ARHGAP32: variants seen among roughly 807,000 people sequenced by gnomAD.
ARHGAP32 encodes Rho GTPase activating protein 32.
In ARHGAP32, 51 loss-of-function variants were observed where a neutral mutation model predicts 186.5. The ratio of observed to expected loss-of-function variants is 0.27; its 90% CI spans 0.22 to 0.35. The LOEUF (loss-of-function observed/expected upper bound fraction) is 0.35, where lower values mean the gene tolerates loss of function less well. Ranked by LOEUF, ARHGAP32 falls within the 10% of genes least tolerant of loss-of-function variation. ARHGAP32 has a pLI of 1.00. For synonymous variants in ARHGAP32, 950 were observed against 964.3 expected (o/e 0.99, Z 0.27); for missense variants, 2,186 against 2,623.5 (o/e 0.83, Z 3.64).
At chr11:129,112,681 C>T (rs1350489932) in intron 5 of ARHGAP32, among the ~76,000 whole-genome samples, 1 of 152,114 alleles carries the variant, frequency 6.6e-6, no homozygotes, top group Non-Finnish European at 1.5e-5. Flanking sequence ...TTAAAGCCAA[C>T]CTCTTTCTAA....
intron 11 of ARHGAP32, among the ~76,000 whole-genome samples, chr11:129,033,495 A>G (rs1376191914): frequency 2.0e-5 from 3 of 152,196 alleles, no homozygotes; most frequent in Non-Finnish European, 2.9e-5. Context: ...ATTTTCCTAA[A>G]GACTCTTTAC....
Position 129,164,314 on chromosome 11 carries a change from T to C in ARHGAP32, c.225+5A>G, listed in dbSNP as rs750787840. 5 of 1,496,362 alleles carry C rather than the reference T, an allele frequency of 3.3e-6. No individual in the cohort carries two copies. In the African/African-American group the frequency reaches 7.0e-5, roughly 21 times the overall value. 92.7% of individuals were successfully genotyped at this position (1,496,362 alleles called of 1,614,324 possible). On this transcript the variant is annotated splice_donor_5th_base_variant and intron_variant, in intron 2 of 22. Transcript: ENST00000682385. ...TATATGAACAATTGTATAAAACTGA[T>C]TTACCATTGCGCTAAGAGTTTCTTC...
chr11:129,126,979 T>C (rs1018860748), intron 2 of ARHGAP32, among the ~76,000 whole-genome samples: 4 of 152,228 alleles, frequency 2.6e-5, no homozygotes, highest in African/African-American at 9.6e-5. Context: ...CTCTGTATTG[T>C]TCATAAATTG....
At chr11:129,263,458 C>A (rs920070531) in intron 1 of ARHGAP32, among the ~76,000 whole-genome samples, 1 of 151,710 alleles carries the variant, frequency 6.6e-6, no homozygotes, top group Non-Finnish European at 1.5e-5. Context: ...AAGTGGCCAA[C>A]AAGCATATGA....
intron 11 of ARHGAP32, among the ~76,000 whole-genome samples, chr11:129,004,066 A>G (rs1028037943): frequency 6.6e-6 from 1 of 151,834 alleles, no homozygotes; most frequent in Non-Finnish European, 1.5e-5. Flanking sequence ...TTGTTTCTGT[A>G]ATCATTTGTT....
Position 129,248,369 on chromosome 11 carries a change from G to A in ARHGAP32, c.-5+30777C>T, listed in dbSNP as rs373252519. ...ATCAAGAATGACTTCCTTGCGATGC[G>A]ATGCAGTGTTTTTATTTATGTCTTG... On this transcript the variant is annotated intron_variant, in intron 1 of 6. Coordinates refer to the ARHGAP32 transcript ENST00000525234. 3.1e-4 allele frequency among the ~76,000 whole-genome samples: 47 copies of A among 152,146 alleles called. No homozygotes were observed. In the South Asian group the frequency reaches 8.5e-3, roughly 28 times the overall value.
chr11:129,003,689 A>C (rs971973859), intron 11 of ARHGAP32, among the ~76,000 whole-genome samples: 1 of 152,138 alleles, frequency 6.6e-6, no homozygotes, highest in Non-Finnish European at 1.5e-5. Context: ...CATAATAGCC[A>C]CTAATGATCC....
chr11:129,060,483 T>C (rs1941707952), intron 10 of ARHGAP32, among the ~76,000 whole-genome samples: 1 of 152,166 alleles, frequency 6.6e-6, no homozygotes, highest in Admixed American at 6.5e-5. Context: ...TTGATCATCT[T>C]TGAGACCCTT....
chr11:129,261,915 C>A (rs918363700), intron 1 of ARHGAP32, among the ~76,000 whole-genome samples: 10 of 152,126 alleles, frequency 6.6e-5, no homozygotes, highest in African/African-American at 1.9e-4. Flanking sequence ...AGAAAAAAAT[C>A]TTCAAGTTCT....
At chr11:129,272,787 T>C (rs1052129592) in intron 1 of ARHGAP32, among the ~76,000 whole-genome samples, 2 of 152,250 alleles carry the variant, frequency 1.3e-5, no homozygotes, top group Non-Finnish European at 2.9e-5. Context: ...CAGGCACAAA[T>C]GTACTGCCTC....
rs1945431132 is a variant in ARHGAP32, at chr11:128,972,936, A to G, written c.3570T>C (p.Ser1190=). The change falls in exon 22 of 23, where the codon TCT becomes TCC. Residue 1190 remains serine, a synonymous_variant. Transcript: ENST00000682385. ...CTTCAGGGAAACTTACATGATCATC[A>G]GACTTCTCTGAGTCTAAGGGAACTG... ...ITSVPLDSEK[S]DDHVSFPEDQ... 6.2e-7 allele frequency: 1 copy of G among 1,614,002 alleles called. No individual in the cohort carries two copies. Among genetic ancestry groups the G allele is most frequent in the Non-Finnish European group, 8.5e-7 (1 of 1,180,012 alleles).
At chr11:129,044,336 C>T (rs1224114410) in intron 10 of ARHGAP32, among the ~76,000 whole-genome samples, 2 of 152,178 alleles carry the variant, frequency 1.3e-5, no homozygotes, top group African/African-American at 4.8e-5. Flanking sequence ...CAGCCTGTTT[C>T]GTACATTATT....
chr11:129,180,806 T>C (rs1944038677), intron 1 of ARHGAP32, among the ~76,000 whole-genome samples: 1 of 152,140 alleles, frequency 6.6e-6, no homozygotes, highest in South Asian at 2.1e-4. Flanking sequence ...CCTGAATGCA[T>C]TCAATGAAAA....
chr11:129,022,216 A>C (rs1938624250), intron 11 of ARHGAP32, among the ~76,000 whole-genome samples: 1 of 152,148 alleles, frequency 6.6e-6, no homozygotes, highest in African/African-American at 2.4e-5. Flanking sequence ...TTAGAACCTT[A>C]ATTTTAATGG....
intron 10 of ARHGAP32, among the ~76,000 whole-genome samples, chr11:129,041,586 G>A (rs1036329243): frequency 4.6e-5 from 7 of 151,764 alleles, no homozygotes; most frequent in Admixed American, 1.3e-4. Context: ...AACTAGTAGC[G>A]CATGGAAAAG....
chr11:129,032,725 G>A (rs1020128466), intron 11 of ARHGAP32, among the ~76,000 whole-genome samples: 9 of 152,168 alleles, frequency 5.9e-5, no homozygotes, highest in Middle Eastern at 3.4e-3. Flanking sequence ...TCATCTGGAT[G>A]GAAAAAATAT....
chr11:129,224,644 G>A (rs546274563), intron 1 of ARHGAP32, among the ~76,000 whole-genome samples: 3 of 151,894 alleles, frequency 2.0e-5, no homozygotes, highest in South Asian at 2.1e-4. Flanking sequence ...AGCCACCAAC[G>A]GATTTTAAGT....
At chr11:129,122,664 T>A (rs532195654) in intron 5 of ARHGAP32, among the ~76,000 whole-genome samples, 143 of 152,234 alleles carry the variant, frequency 9.4e-4, no homozygotes, top group Non-Finnish European at 1.8e-3. Context: ...ATCTCACTTG[T>A]TTATGAAATA....
intron 18 of ARHGAP32, among the ~76,000 whole-genome samples, chr11:128,980,044 G>A (rs976985902): frequency 6.6e-5 from 10 of 152,184 alleles, no homozygotes; most frequent in Non-Finnish European, 1.5e-4. Context: ...CTGATTCAGC[G>A]GGTCTGGGGT....
Sources: allele counts gnomAD v4.1 joint callset (sites outside exome capture counted in the v4.1 genomes callset), GRCh38; gene constraint gnomAD v4.1.1; transcripts MANE v1.5; gene names NCBI Gene and HGNC (gene_info 2026-07-23, HGNC 2026-07-21).